The following TEX11 variants were observed in gnomAD, a reference collection of about 807,000 sequenced individuals.
TEX11 encodes the protein testis-expressed protein 11.
Under a neutral mutation model 84.4 loss-of-function variants are expected in TEX11, and 7 were observed. The ratio of observed to expected loss-of-function variants is 0.08; its 90% confidence interval spans 0.05 to 0.16. TEX11 has a LOEUF of 0.16. Among genes scored for constraint, TEX11 ranks in the 10% least tolerant of loss-of-function variants. The pLI is 1.00. For synonymous variants in TEX11, 264 were observed against 222.8 expected (o/e 1.18, Z -1.64); for missense variants, 551 against 660.5 (o/e 0.83, Z 1.82).
At chrX:70,522,564 G>A in the TEX11 span, among the ~76,000 whole-genome samples, 1 of 110,868 alleles carries the variant, frequency 9.0e-6, no homozygotes, top group Admixed American at 9.6e-5. Context: ...ATGGAGTTTT[G>A]CTCCTGTTGC....
At chrX:70,643,793 C>T (rs1174008316) in intron 17 of TEX11, among the ~76,000 whole-genome samples, 1 of 108,170 alleles carries the variant, frequency 9.2e-6, no homozygotes, top group Non-Finnish European at 1.9e-5. Context: ...AAGACTTAAA[C>T]ATTCGACCTA....
chrX:70,694,939 A>G (rs951294124), intron 13 of TEX11, among the ~76,000 whole-genome samples: 1 of 111,404 alleles, frequency 9.0e-6, no homozygotes, highest in Non-Finnish European at 1.9e-5. Flanking sequence ...CAGCCTCTTG[A>G]AACGAGAACT....
intron 7 of TEX11, among the ~76,000 whole-genome samples, chrX:70,847,442 C>G (rs1167113325): frequency 9.0e-6 from 1 of 111,604 alleles, no homozygotes; most frequent in East Asian, 2.8e-4. Flanking sequence ...CACTGTTGAT[C>G]ATCCTTTTCT....
At chrX:70,515,767 T>G in the TEX11 span, among the ~76,000 whole-genome samples, 2 of 112,370 alleles carry the variant, frequency 1.8e-5, no homozygotes, top group African/African-American at 6.5e-5. Context: ...TTTCTCCACA[T>G]CCTCTCCAGC....
At chrX:70,818,515 C>T (rs1486234273) in intron 8 of TEX11, among the ~76,000 whole-genome samples, 1 of 110,713 alleles carries the variant, frequency 9.0e-6, no homozygotes, top group Non-Finnish European at 1.9e-5. Flanking sequence ...TTCCAGAAGC[C>T]TTCCACTGAG....
intron 25 of TEX11, among the ~76,000 whole-genome samples, chrX:70,575,792 T>C (rs1405321581): frequency 1.8e-5 from 2 of 112,130 alleles, no homozygotes; most frequent in African/African-American, 3.2e-5. Context: ...CTAACAATGT[T>C]CTCCTGTATT....
chrX:70,725,840 T>C (rs2090596026), intron 11 of TEX11, among the ~76,000 whole-genome samples: 1 of 111,978 alleles, frequency 8.9e-6, no homozygotes. Flanking sequence ...GGTTCCACTT[T>C]CGCCTGACAG....
intron 16 of TEX11, among the ~76,000 whole-genome samples, chrX:70,662,361 T>C (rs1194465917): frequency 8.9e-6 from 1 of 111,750 alleles, no homozygotes; most frequent in African/African-American, 3.3e-5. Flanking sequence ...AATATGGGAC[T>C]ATGTGAAAAG....
intron 25 of TEX11, among the ~76,000 whole-genome samples, chrX:70,577,791 G>A (rs1455481967): frequency 8.6e-5 from 8 of 93,169 alleles, no homozygotes; most frequent in African/African-American, 3.0e-4. Flanking sequence ...GCAGTGGCAG[G>A]ATCTCTGCTC....
intron 9 of TEX11, among the ~76,000 whole-genome samples, chrX:70,781,814 A>G (rs752917872): frequency 9.0e-6 from 1 of 111,720 alleles, no homozygotes; most frequent in African/African-American, 3.3e-5. Context: ...ATATGGGACC[A>G]TGTGAAAAGA....
rs35102694 is a variant in TEX11 at position 70,581,294 on chromosome X, C to CT, written c.2140+10456dup. Among the ~76,000 whole-genome samples, 330 of 43,618 alleles carry CT rather than the reference C, an allele frequency of 7.6e-3. 6 individuals are homozygous for CT. The highest frequency in any genetic ancestry group is 0.023 in the African/African-American group (263 of 11,512). 37.9% of individuals were successfully genotyped at this position (43,618 alleles called of 115,157 possible). ...GCAGTTTTAAGTTTATATACTGTTGCTTTTTTTTTTTTTTTTTTTTTTAAG... is the reference window on the plus strand; with the variant it reads ...GCAGTTTTAAGTTTATATACTGTTGCTTTTTTTTTTTTTTTTTTTTTTTAAG... On this transcript the variant is annotated intron_variant, in intron 25 of 29. Coordinates refer to ENST00000374333, the MANE Select transcript of TEX11 (RefSeq NM_031276.3).
chrX:70,894,294 T>C (rs112289756), intron 2 of TEX11, among the ~76,000 whole-genome samples: 6,322 of 110,602 alleles, frequency 0.057, 446 homozygotes, highest in African/African-American at 0.2. Flanking sequence ...TTCAGGCCAA[T>C]ATCACTGATG....
At chrX:70,710,544 A>T (rs1017573188) in intron 13 of TEX11, among the ~76,000 whole-genome samples, 2 of 98,374 alleles carry the variant, frequency 2.0e-5, no homozygotes, top group Non-Finnish European at 4.2e-5. Flanking sequence ...AAAAGTTCTC[A>T]TTTTTTTTTT....
chrX:70,773,831 A>G (rs1333316266), intron 9 of TEX11, among the ~76,000 whole-genome samples: 2 of 111,765 alleles, frequency 1.8e-5, no homozygotes, highest in East Asian at 5.6e-4. Context: ...CAGAGAAGTT[A>G]CAGGAAAAAC....
chrX:70,763,303 T>C (rs1266905341), intron 9 of TEX11, among the ~76,000 whole-genome samples: 2 of 111,572 alleles, frequency 1.8e-5, no homozygotes, highest in Non-Finnish European at 3.8e-5. Flanking sequence ...GCAACTTGGA[T>C]GGACTTGGAG....
chrX:70,651,481 C>G lies in TEX11; in HGVS notation c.1452G>C (p.Lys484Asn). The change falls in exon 17 of 30, where the codon AAG becomes AAC. Residue 484 changes from lysine to asparagine, a missense_variant. Lys to Asn is a moderately conservative substitution (Grantham distance 94). Transcript: ENST00000374333. ...RNVFTQFYIF[K>N]IAVIEGNSER... ...CAGAGTTGCCCTCTATGACTGCAAT[C>G]TTGAATATATAAAATTGAGTGAAAA... 1 of 1,206,163 alleles carries G rather than the reference C, an allele frequency of 8.3e-7. No individual in the cohort carries two copies. Among genetic ancestry groups the G allele is most frequent in the Non-Finnish European group, 1.1e-6 (1 of 891,917 alleles).
chrX:70,660,716 T>C (rs2089916424), intron 16 of TEX11, among the ~76,000 whole-genome samples: 1 of 112,156 alleles, frequency 8.9e-6, no homozygotes, highest in Non-Finnish European at 1.9e-5. Flanking sequence ...AATTTTGTTT[T>C]ATAATTTTGT....
chrX:70,776,545 C>G (rs1205930141), intron 9 of TEX11, among the ~76,000 whole-genome samples: 1 of 106,108 alleles, frequency 9.4e-6, no homozygotes, highest in Non-Finnish European at 1.9e-5. Flanking sequence ...CCTGGGCAAC[C>G]AGCGTGAGAC....
intron 9 of TEX11, among the ~76,000 whole-genome samples, chrX:70,760,921 G>C (rs60341111): frequency 7.2e-5 from 8 of 111,277 alleles, no homozygotes; most frequent in African/African-American, 2.6e-4. Flanking sequence ...AAGAAAAACA[G>C]CAACAACCCC....
Sources: allele counts gnomAD v4.1 joint callset (sites outside exome capture counted in the v4.1 genomes callset), GRCh38; gene constraint gnomAD v4.1.1; transcripts MANE v1.5; gene names NCBI Gene and HGNC (gene_info 2026-07-23, HGNC 2026-07-21).